The following AVL9 variants were observed in gnomAD, a reference collection of about 807,000 sequenced individuals.
The protein encoded by AVL9 is late secretory pathway protein AVL9 homolog.
In AVL9, 49 loss-of-function variants were observed where a neutral mutation model predicts 79.2. The observed-to-expected ratio is 0.62, with a 90% CI of 0.49 to 0.79. The LOEUF (loss-of-function observed/expected upper bound fraction) is 0.79, where lower values mean the gene tolerates loss of function less well. Among genes scored for constraint, AVL9 ranks in the 30% least tolerant of loss-of-function variants. AVL9 has a pLI of 0.00. For missense variants in AVL9, 682 were observed against 776.8 expected (o/e 0.88, Z 1.45); for synonymous variants, 299 against 280.6 (o/e 1.07, Z -0.65).
chr7:32,519,566 T>C (rs116289517), intron 1 of AVL9, among the ~76,000 whole-genome samples: 1,656 of 152,298 alleles, frequency 0.011, 33 homozygotes, highest in African/African-American at 0.038. Flanking sequence ...TCTGCAATAG[T>C]TTAAAATCTT....
chr7:32,554,546 T>C lies in AVL9; in HGVS notation c.571-12T>C. 1 of 1,521,428 alleles carries C rather than the reference T, an allele frequency of 6.6e-7. No individual in the cohort carries two copies. Among genetic ancestry groups the C allele is most frequent in the Non-Finnish European group, 8.9e-7 (1 of 1,119,218 alleles). 94.2% of individuals were successfully genotyped at this position (1,521,428 alleles called of 1,614,324 possible). On this transcript the variant is annotated splice_polypyrimidine_tract_variant and intron_variant, in intron 7 of 15. Coordinates refer to ENST00000318709, the MANE Select transcript of AVL9 (RefSeq NM_015060.3). ...TCTCATTTCAATACAACATTTTTTT[T>C]TCCTTTTGCAGGTCTTAATCCTATT...
intron 1 of AVL9, among the ~76,000 whole-genome samples, chr7:32,499,650 A>G (rs1787029199): frequency 6.6e-6 from 1 of 152,094 alleles, no homozygotes; most frequent in Non-Finnish European, 1.5e-5. Context: ...ATATAGGTAT[A>G]CATGTGCCAT....
chr7:32,542,171 C>CT (rs148433715), intron 1 of AVL9, among the ~76,000 whole-genome samples: 24,626 of 142,138 alleles, frequency 0.17, 2,678 homozygotes, highest in Admixed American at 0.31. Context: ...GGGAGGCAGT[C>CT]TTTTTTACAG....
intron 8 of AVL9, among the ~76,000 whole-genome samples, chr7:32,556,334 T>TGAAA (rs1790052808): frequency 6.6e-6 from 1 of 152,008 alleles, no homozygotes; most frequent in Non-Finnish European, 1.5e-5. Context: ...GCCAACATGG[T>TGAAA]GAAACCCCAT....
At chr7:32,545,355 C>CT (rs1431049836) in intron 3 of AVL9, among the ~76,000 whole-genome samples, 6 of 122,682 alleles carry the variant, frequency 4.9e-5, no homozygotes, top group Non-Finnish European at 9.9e-5. Context: ...CTATTTATCT[C>CT]TAAGATTTCT....
chr7:32,540,688 G>A (rs1789139877), intron 1 of AVL9, among the ~76,000 whole-genome samples: 1 of 151,970 alleles, frequency 6.6e-6, no homozygotes, highest in South Asian at 2.1e-4. Flanking sequence ...TAATTATCTT[G>A]ATAATACGGC....
At chr7:32,504,388 T>C (rs868203898) in intron 1 of AVL9, among the ~76,000 whole-genome samples, 3 of 152,224 alleles carry the variant, frequency 2.0e-5, no homozygotes, top group Middle Eastern at 3.2e-3. Context: ...TCATTACACC[T>C]TATGTTTTGT....
chr7:32,522,456 A>G (rs1788204765), intron 1 of AVL9, among the ~76,000 whole-genome samples: 1 of 152,166 alleles, frequency 6.6e-6, no homozygotes, highest in Non-Finnish European at 1.5e-5. Context: ...CTGGACTTGC[A>G]TGGGACCCGT....
At position 32,554,602 on chromosome 7, in the gene AVL9, A is replaced by C; in HGVS notation, c.609+6A>C. The C allele has an allele frequency of 6.6e-7, 1 of 1,510,680 alleles. No homozygotes were observed. The highest frequency in any genetic ancestry group is 8.9e-7 in the Non-Finnish European group (1 of 1,119,016). The allele number at this position is 1,510,680 out of a possible 1,614,324, so 93.6% of individuals were successfully genotyped here. ...TAATTCTTCTTGAAAAAAAGGTACG[A>C]TCCTAAGGGATGAAAGGAAAGATGG... On this transcript the variant is annotated splice_donor_region_variant and intron_variant, in intron 8 of 15. Transcript: ENST00000318709.
intron 5 of AVL9, among the ~76,000 whole-genome samples, 182 bp downstream of exon 5, chr7:32,551,605 C>CTTTTTTTTTTT (rs60271681): frequency 0.18 from 17,152 of 93,256 alleles, 3,608 homozygotes; most frequent in African/African-American, 0.28. Flanking sequence ...TTTAACCAAA[C>CTTTTTTTTTTT]TTTTTTTTTT....
At position 32,585,796 on chromosome 7, in the gene AVL9, C is replaced by T. The variant is rs1423086681; in HGVS notation, c.*1889C>T. ...AGAACTCCATTAATTCCACTTCTTC[C>T]AAGAAAGTTAACCTCAGGAAATGCT... On this transcript the variant is annotated 3_prime_UTR_variant, in exon 16 of 16. Coordinates refer to ENST00000318709, the MANE Select transcript of AVL9 (RefSeq NM_015060.3). The T allele has an allele frequency of 3.9e-5, 6 of 152,156 alleles. No homozygotes were observed. The highest frequency in any genetic ancestry group is 1.4e-4 in the African/African-American group (6 of 41,418). The allele number at this position is 152,156 out of a possible 1,614,324, so 9.4% of individuals were successfully genotyped here.
At chr7:32,553,622 CTTTT>C (rs10717407) in intron 6 of AVL9, 101 bp from the exon 7 acceptor site, 38 of 607,426 alleles carry the variant, frequency 6.3e-5, no homozygotes, top group Non-Finnish European at 8.4e-5. Flanking sequence ...CATATTCCTA[CTTTT>C]TTTTTTTTTT....
chr7:32,548,981 A>G, intron 4 of AVL9, 63 bp downstream of exon 4: 2 of 1,071,734 alleles, frequency 1.9e-6, no homozygotes, highest in East Asian at 2.6e-5. Context: ...CTTTAAGGAT[A>G]AGGCACTATT....
At chr7:32,572,993 G>A (rs1790926610) in intron 11 of AVL9, among the ~76,000 whole-genome samples, 1 of 152,020 alleles carries the variant, frequency 6.6e-6, no homozygotes, top group African/African-American at 2.4e-5. Context: ...ATTTATGTGT[G>A]TATTTTCTAA....
intron 1 of AVL9, among the ~76,000 whole-genome samples, chr7:32,500,509 A>G (rs926135664): frequency 1.3e-5 from 2 of 152,076 alleles, no homozygotes; most frequent in South Asian, 2.1e-4. Flanking sequence ...GTAGATTGCA[A>G]AAATTTTCTC....
chr7:32,548,145 T>TTTTTTCTTTTGTTTTCTTTTTG (rs2128136426), intron 3 of AVL9, among the ~76,000 whole-genome samples: 1 of 117,630 alleles, frequency 8.5e-6, no homozygotes, highest in East Asian at 2.5e-4. Context: ...TTGTCATCTC[T>TTTTTTCTTTTGTTTTCTTTTTG]TTTTTCTTTT....
chr7:32,581,394 A>C (rs1791502750), intron 15 of AVL9: 1 of 152,510 alleles, frequency 6.6e-6, no homozygotes, highest in Non-Finnish European at 1.5e-5. Context: ...TCTTACAGAA[A>C]TTAAAAGAAC....
At chr7:32,517,194 T>TA (rs755457915) in intron 1 of AVL9, among the ~76,000 whole-genome samples, 69 of 152,322 alleles carry the variant, frequency 4.5e-4, no homozygotes, top group Non-Finnish European at 9.0e-4. Context: ...CATATTTTGT[T>TA]ATGTGTTTTG....
Position 32,583,869 on chromosome 7 carries a change from T to G in AVL9, c.1909T>G (p.Ser637Ala). ...SWLSTFTTST[S>A]QSLTEPPDEK... is the part of the protein sequence containing the mutation. ...GCTTTCCACTTTCACCACTTCCACC[T>G]CCCAAAGTCTCACTGAGCCACCAGA... The change falls in exon 16 of 16, where the codon TCC (serine) becomes GCC (alanine). Residue 637 changes from serine (S) to alanine (A), a missense_variant. Transcript: ENST00000318709. 3 of 1,613,978 alleles carry G rather than the reference T, an allele frequency of 1.9e-6. No homozygotes were observed. Among genetic ancestry groups the G allele is most frequent in the Non-Finnish European group, 2.5e-6 (3 of 1,179,944 alleles).
Sources: allele counts gnomAD v4.1 joint callset (sites outside exome capture counted in the v4.1 genomes callset), GRCh38; gene constraint gnomAD v4.1.1; transcripts MANE v1.5; gene names NCBI Gene and HGNC (gene_info 2026-07-23, HGNC 2026-07-21).